Variants in CDK6 observed in about 807,000 individuals in gnomAD.
The protein encoded by CDK6 is cyclin-dependent kinase 6.
A neutral mutation model predicts 37.1 loss-of-function variants in CDK6; 6 were observed. The observed-to-expected ratio is 0.16, with a 90% CI of 0.09 to 0.32. The LOEUF (loss-of-function observed/expected upper bound fraction) is 0.32, where lower values mean the gene tolerates loss of function less well. Among genes scored for constraint, CDK6 ranks in the 10% least tolerant of loss-of-function variants. The pLI, the probability that CDK6 is intolerant of heterozygous loss-of-function variation, is 1.00. For missense variants in CDK6, 224 were observed against 418.9 expected (o/e 0.53, Z 4.06); for synonymous variants, 160 against 161.3 (o/e 0.99, Z 0.06).
At position 92,605,703 on chromosome 7, in the gene CDK6, T is replaced by C. The variant is rs1181071086; in HGVS notation, c.*9437A>G. The C allele has an allele frequency of 4.3e-6, 1 of 233,182 alleles. No homozygotes were observed. The highest frequency in any genetic ancestry group is 8.5e-6 in the Non-Finnish European group (1 of 118,092). 14.4% of individuals were successfully genotyped at this position (233,182 alleles called of 1,614,324 possible). The stretch of plus-strand genomic sequence containing the variant: ...CTTCAAGAGGGCTTTCTGTGTGTAA[T>C]GGAGGGATGGTTGCTAGAGTGAGAC... On this transcript the variant is annotated 3_prime_UTR_variant, in exon 8 of 8. Transcript: ENST00000424848.
At chr7:92,798,156 C>T (rs1800464076) in intron 2 of CDK6, among the ~76,000 whole-genome samples, 1 of 152,136 alleles carries the variant, frequency 6.6e-6, no homozygotes, top group African/African-American at 2.4e-5. Context: ...TCCAATTCAT[C>T]TGATGTAAGA....
rs115043178 is a variant in CDK6 at position 92,678,677 on chromosome 7, C to T, written c.538-7142G>A. On this transcript the variant is annotated intron_variant, in intron 4 of 7. Coordinates refer to ENST00000424848, the MANE Select transcript of CDK6 (RefSeq NM_001145306.2). Reference sequence around the variant, plus strand: ...AAAAATTAGATGTTATCTGATTCATCCTCATTATATGGCCACAATGGCAGA... The same window carrying T: ...AAAAATTAGATGTTATCTGATTCATTCTCATTATATGGCCACAATGGCAGA... Among the ~76,000 whole-genome samples, 484 of 152,318 alleles carry T rather than the reference C, an allele frequency of 3.2e-3. 1 individual carries two copies. Among genetic ancestry groups the T allele is most frequent in the African/African-American group, 0.011 (459 of 41,564 alleles).
chr7:92,745,861 T>C (rs1207150873), intron 3 of CDK6, among the ~76,000 whole-genome samples: 1 of 152,186 alleles, frequency 6.6e-6, no homozygotes, highest in Admixed American at 6.5e-5. Context: ...AAAATTTAAC[T>C]AAGCACTATT....
chr7:92,616,144 A>G (rs3731383), intron 7 of CDK6, among the ~76,000 whole-genome samples: 7,108 of 152,190 alleles, frequency 0.047, 587 homozygotes, highest in African/African-American at 0.16. Context: ...TCTCCATCCT[A>G]AAGTGAACTG....
At chr7:92,796,768 C>A (rs1800424107) in intron 2 of CDK6, among the ~76,000 whole-genome samples, 1 of 152,098 alleles carries the variant, frequency 6.6e-6, no homozygotes, top group Non-Finnish European at 1.5e-5. Context: ...TCCACTTATA[C>A]CAGTTAAACT....
At chr7:92,751,975 A>C (rs546836337) in intron 3 of CDK6, among the ~76,000 whole-genome samples, 49 of 152,328 alleles carry the variant, frequency 3.2e-4, no homozygotes, top group African/African-American at 1.1e-3. Flanking sequence ...GAGCACTGAC[A>C]AAGATATAAA....
intron 2 of CDK6, among the ~76,000 whole-genome samples, chr7:92,796,390 ATAGTT>A (rs1800413326): frequency 6.6e-6 from 1 of 152,166 alleles, no homozygotes; most frequent in Non-Finnish European, 1.5e-5. Context: ...AACAAACCAG[ATAGTT>A]TAGACAGACT....
intron 5 of CDK6, among the ~76,000 whole-genome samples, chr7:92,660,167 C>G (rs1796803635): frequency 6.6e-6 from 1 of 152,204 alleles, no homozygotes; most frequent in Admixed American, 6.5e-5. Flanking sequence ...CAACACCGTG[C>G]TCTGCATGAC....
chr7:92,638,242 T>C (rs2116527705), intron 5 of CDK6, among the ~76,000 whole-genome samples: 1 of 152,348 alleles, frequency 6.6e-6, no homozygotes. Flanking sequence ...TCAGTATATT[T>C]TGAAAATAAA....
chr7:92,801,784 G>C (rs1317830327), intron 2 of CDK6, among the ~76,000 whole-genome samples: 1 of 151,992 alleles, frequency 6.6e-6, no homozygotes, highest in Non-Finnish European at 1.5e-5. Context: ...ATCATGCCTG[G>C]CTAATTTTTG....
intron 4 of CDK6, among the ~76,000 whole-genome samples, chr7:92,691,475 A>G (rs751126533): frequency 1.2e-4 from 18 of 152,246 alleles, no homozygotes; most frequent in Admixed American, 2.6e-4. Context: ...AGAATTTCTT[A>G]ATTATCAAAT....
At position 92,609,875 on chromosome 7, in the gene CDK6, T is replaced by TTTAAGA. The variant is rs1795524163; in HGVS notation, c.*5264_*5265insTCTTAA. On this transcript the variant is annotated 3_prime_UTR_variant, in exon 8 of 8. Coordinates refer to ENST00000424848, the MANE Select transcript of CDK6 (RefSeq NM_001145306.2). ...TTAAATGATCAAAATGGGTGTATTA[T>TTTAAGA]CCATCCTTAAGAACAATTTATTTGC... The TTTAAGA allele has an allele frequency of 4.3e-6, 1 of 230,720 alleles. No homozygotes were observed. Among genetic ancestry groups the TTTAAGA allele is most frequent in the East Asian group, 6.2e-5 (1 of 16,116 alleles). 14.3% of individuals were successfully genotyped at this position (230,720 alleles called of 1,614,324 possible).
intron 5 of CDK6, among the ~76,000 whole-genome samples, chr7:92,660,793 C>T (rs530521078): frequency 1.4e-4 from 21 of 151,868 alleles, no homozygotes; most frequent in African/African-American, 4.8e-4. Context: ...TGGGGGGCTG[C>T]GGGATGAGGG....
At chr7:92,708,902 C>A (rs1798024930) in intron 4 of CDK6, among the ~76,000 whole-genome samples, 1 of 152,180 alleles carries the variant, frequency 6.6e-6, no homozygotes, top group African/African-American at 2.4e-5. Context: ...TCAGTAGTGG[C>A]TACTATGTTC....
rs527743724 is a variant in CDK6 at position 92,679,181 on chromosome 7, A to G, written c.538-7646T>C. 2.0e-5 allele frequency among the ~76,000 whole-genome samples: 3 copies of G among 152,282 alleles called. No individual in the cohort carries two copies. The East Asian group carries it at 5.8e-4, about 29-fold the overall frequency. On this transcript the variant is annotated intron_variant, in intron 4 of 7. Transcript: ENST00000424848. ...TTCCTGTTGGGACCCTGGCTGATACATCCTGTTTATAGATGGAGAAACCAG... is the reference window on the plus strand; with the variant it reads ...TTCCTGTTGGGACCCTGGCTGATACGTCCTGTTTATAGATGGAGAAACCAG...
rs1795469628 is a variant in CDK6, at chr7:92,608,072, C to T, written c.*7068G>A. On this transcript the variant is annotated 3_prime_UTR_variant, in exon 8 of 8. Transcript: ENST00000424848. ...CAAGTAAGGGTACAACGGGTATCTT[C>T]AGAACTTTAACCTAAGCACATCAAC... 4.3e-6 allele frequency: 1 copy of T among 233,094 alleles called. No homozygotes were observed. Among genetic ancestry groups the T allele is most frequent in the South Asian group, 1.8e-4 (1 of 5,524 alleles). The allele number at this position is 233,094 out of a possible 1,614,324, so 14.4% of individuals were successfully genotyped here.
At chr7:92,770,718 G>A (rs1003913261) in intron 3 of CDK6, among the ~76,000 whole-genome samples, 1 of 151,978 alleles carries the variant, frequency 6.6e-6, no homozygotes, top group African/African-American at 2.4e-5. Context: ...TATCTAGTAA[G>A]ACACCATGGA....
chr7:92,802,227 C>G (rs1296350924), intron 2 of CDK6, among the ~76,000 whole-genome samples: 2 of 151,976 alleles, frequency 1.3e-5, no homozygotes. Flanking sequence ...GTCCAACATT[C>G]TACACTCTGC....
intron 4 of CDK6, among the ~76,000 whole-genome samples, chr7:92,716,842 G>C (rs1798239559): frequency 6.6e-6 from 1 of 152,144 alleles, no homozygotes; most frequent in Non-Finnish European, 1.5e-5. Flanking sequence ...ACTCTTCAGA[G>C]AAGCCCCTAA....
Sources: gnomAD v4.1 joint callset for allele counts (sites outside exome capture counted in the v4.1 genomes callset) on GRCh38, gnomAD v4.1.1 for gene constraint, MANE v1.5 for transcripts, NCBI Gene and HGNC (gene_info 2026-07-23, HGNC 2026-07-21) for gene names.